PRR11: variants seen among roughly 807,000 people sequenced by gnomAD.
The protein encoded by PRR11 is proline rich 11, also known as proline-rich protein 11.
Under a neutral mutation model 45.6 loss-of-function variants are expected in PRR11, and 30 were observed. That is an observed-to-expected ratio of 0.66 (90% CI 0.49 to 0.89). PRR11 has a LOEUF of 0.89. Among genes scored for constraint, PRR11 ranks in the 40% least tolerant of loss-of-function variants. The pLI, the probability that PRR11 is intolerant of heterozygous loss-of-function variation, is 0.00. For synonymous variants in PRR11, 128 were observed against 153.5 expected (o/e 0.83, Z 1.23); for missense variants, 373 against 424.8 (o/e 0.88, Z 1.07).
intron 4 of PRR11, 130 bp downstream of exon 4, chr17:59,185,692 C>A: frequency 1.2e-6 from 1 of 834,886 alleles, no homozygotes; most frequent in Non-Finnish European, 1.8e-6. Flanking sequence ...AAAAAGTTTT[C>A]TTTGTTAGCA....
chr17:59,182,813 G>A (rs1223234355), intron 2 of PRR11, among the ~76,000 whole-genome samples: 1 of 152,048 alleles, frequency 6.6e-6, no homozygotes, highest in East Asian at 1.9e-4. Flanking sequence ...TGCTCAGCTG[G>A]GGGCTCTGCT....
At chr17:59,190,793 T>C (rs1162913265) in intron 4 of PRR11, among the ~76,000 whole-genome samples, 1 of 152,256 alleles carries the variant, frequency 6.6e-6, no homozygotes, top group African/African-American at 2.4e-5. Context: ...CTTATTCTCA[T>C]AACAGAACCA....
At chr17:59,187,562 T>G (rs1033500117) in intron 4 of PRR11, among the ~76,000 whole-genome samples, 1 of 150,848 alleles carries the variant, frequency 6.6e-6, no homozygotes, top group Non-Finnish European at 1.5e-5. Context: ...AGAGCAAGAC[T>G]CCATCTCAAG....
Position 59,193,667 on chromosome 17 carries a change from TG to T in PRR11, c.579del (p.Pro194HisfsTer7). 1 of 1,613,962 alleles carries T rather than the reference TG, an allele frequency of 6.2e-7. No individual in the cohort carries two copies. Among genetic ancestry groups the T allele is most frequent in the Non-Finnish European group, 8.5e-7 (1 of 1,179,942 alleles). On this transcript the variant is annotated frameshift_variant, in exon 5 of 10. Coordinates refer to ENST00000262293, the MANE Select transcript of PRR11 (RefSeq NM_018304.4). LOFTEE classifies it high-confidence loss of function. Reference sequence around the variant, plus strand: ...CCTCCTCCTCCTCCACCTCCACCTCTGCCACCTCCTCCACCACCACTAGCAC... The same window carrying T: ...CCTCCTCCTCCTCCACCTCCACCTCTCCACCTCCTCCACCACCACTAGCAC... ...HFPPPPPPPP[L>X]PPPPPPLAPV... is the part of the protein sequence containing the mutation.
At chr17:59,161,418 A>C (rs958447943) in intron 1 of PRR11, among the ~76,000 whole-genome samples, 40 of 151,694 alleles carry the variant, frequency 2.6e-4, no homozygotes, top group African/African-American at 8.0e-4. Context: ...CTCAAAAAAA[A>C]AAAAACAAAA....
chr17:59,198,074 A>G (rs1408685279), intron 9 of PRR11, among the ~76,000 whole-genome samples: 1 of 152,196 alleles, frequency 6.6e-6, no homozygotes, highest in African/African-American at 2.4e-5. Context: ...TGATTGCACC[A>G]CTGCACTCCA....
rs183169677 is a variant in PRR11 at position 59,200,366 on chromosome 17, C to T, written c.1015-1197C>T. Reference sequence around the variant, plus strand: ...TCCCAGTGCTTTGGGAGGCTAAGGCCGGAAAGTCGCTTGAGGCCAGGAGTT... The same window carrying T: ...TCCCAGTGCTTTGGGAGGCTAAGGCTGGAAAGTCGCTTGAGGCCAGGAGTT... On this transcript the variant is annotated intron_variant, in intron 9 of 9. Coordinates refer to ENST00000262293, the MANE Select transcript of PRR11 (RefSeq NM_018304.4). 3.9e-5 allele frequency among the ~76,000 whole-genome samples: 6 copies of T among 152,082 alleles called. No individual in the cohort carries two copies. The East Asian group carries it at 7.7e-4, about 20-fold the overall frequency.
intron 2 of PRR11, chr17:59,181,400 G>T: frequency 1.2e-6 from 1 of 811,424 alleles, no homozygotes; most frequent in Non-Finnish European, 1.9e-6. Flanking sequence ...CCCGCATGGA[G>T]AGCTCACCCA....
At chr17:59,162,875 G>T (rs1204890428) in intron 1 of PRR11, among the ~76,000 whole-genome samples, 2 of 150,058 alleles carry the variant, frequency 1.3e-5, no homozygotes, top group Non-Finnish European at 3.0e-5. Flanking sequence ...TTACTGGCAT[G>T]CACCACCACG....
chr17:59,178,671 A>G (rs2046763187), intron 2 of PRR11: 1 of 492,378 alleles, frequency 2.0e-6, no homozygotes, highest in East Asian at 5.5e-5. Context: ...AAAGAGGAGA[A>G]TGACTTTCAC....
intron 9 of PRR11, among the ~76,000 whole-genome samples, chr17:59,200,115 A>G (rs571698084): frequency 6.6e-6 from 1 of 152,314 alleles, no homozygotes; most frequent in Non-Finnish European, 1.5e-5. Flanking sequence ...CACAGATAAG[A>G]CCTATGGCAT....
chr17:59,179,395 C>T (rs1430235193), intron 2 of PRR11, among the ~76,000 whole-genome samples: 4 of 152,180 alleles, frequency 2.6e-5, no homozygotes, highest in African/African-American at 4.8e-5. Context: ...ACTCAGCCTG[C>T]CAACATGCTG....
chr17:59,162,439 T>TGG (rs2046658154), intron 1 of PRR11, among the ~76,000 whole-genome samples: 1 of 152,134 alleles, frequency 6.6e-6, no homozygotes, highest in Non-Finnish European at 1.5e-5. Flanking sequence ...GGTACTCAAA[T>TGG]TTTCCAGCTA....
intron 4 of PRR11, among the ~76,000 whole-genome samples, chr17:59,191,192 C>T (rs557023540): frequency 1.3e-5 from 2 of 150,972 alleles, no homozygotes; most frequent in Non-Finnish European, 2.9e-5. Context: ...GATAAATACT[C>T]CATGTTTCTT....
At chr17:59,156,211 T>G (rs1031742713) in intron 1 of PRR11, among the ~76,000 whole-genome samples, 3 of 152,234 alleles carry the variant, frequency 2.0e-5, no homozygotes, top group Admixed American at 2.0e-4. Context: ...GTGATTTCTA[T>G]GCACATTAAA....
In PRR11 at chr17:59,185,431, T is replaced by C; in HGVS notation, c.280-9T>C. 6.3e-7 allele frequency: 1 copy of C among 1,590,792 alleles called. No individual in the cohort carries two copies. On this transcript the variant is annotated splice_polypyrimidine_tract_variant and intron_variant, in intron 3 of 9. Coordinates refer to ENST00000262293, the MANE Select transcript of PRR11 (RefSeq NM_018304.4). ...CATAGGACTCAGAATTGTTTATTAT[T>C]AATTTCAGAGTTTAGAAGTATTGAA...
intron 1 of PRR11, among the ~76,000 whole-genome samples, chr17:59,156,811 T>G (rs1465854422): frequency 6.6e-6 from 1 of 152,176 alleles, no homozygotes; most frequent in Non-Finnish European, 1.5e-5. Flanking sequence ...GTATTTTTAG[T>G]AGAGACGGGG....
At chr17:59,171,938 G>T (rs749158928) in intron 2 of PRR11, among the ~76,000 whole-genome samples, 1 of 151,896 alleles carries the variant, frequency 6.6e-6, no homozygotes, top group Non-Finnish European at 1.5e-5. Flanking sequence ...CTGTTGAAAT[G>T]AAAATTATCT....
At chr17:59,190,358 G>C (rs1316775923) in intron 4 of PRR11, among the ~76,000 whole-genome samples, 1 of 152,008 alleles carries the variant, frequency 6.6e-6, no homozygotes, top group African/African-American at 2.4e-5. Flanking sequence ...TGTAATCCCA[G>C]CTATTCGGGA....
Sources: gnomAD v4.1 joint callset for allele counts (sites outside exome capture counted in the v4.1 genomes callset) on GRCh38, gnomAD v4.1.1 for gene constraint, MANE v1.5 for transcripts, NCBI Gene and HGNC (gene_info 2026-07-23, HGNC 2026-07-21) for gene names.